The following KCNQ1OT1 variants were observed in gnomAD, a reference collection of about 807,000 sequenced individuals.
KCNQ1OT1 encodes KCNQ1 antisense RNA 2 (non-protein coding).
Position 2,663,100 on chromosome 11 carries a change from G to A in KCNQ1OT1, n.36895C>T, listed in dbSNP as rs1022389434. On this transcript the variant is annotated non_coding_transcript_exon_variant, in exon 1 of 1. Coordinates refer to ENST00000597346, the Ensembl canonical transcript of KCNQ1OT1. The surrounding 1 kb of genome is among the most constrained non-coding windows in gnomAD (Gnocchi z 5.2). Reference sequence around the variant, plus strand: ...CAGAATGAGGCCACCTCCAGGGAAGGAGTGGCTATCTTAAGGGGTAATTAT... The same window carrying A: ...CAGAATGAGGCCACCTCCAGGGAAGAAGTGGCTATCTTAAGGGGTAATTAT... The A allele has an allele frequency of 1.0e-5, 4 of 398,550 alleles. No individual in the cohort carries two copies. Among genetic ancestry groups the A allele is most frequent in the Non-Finnish European group, 1.8e-5 (4 of 226,124 alleles). 24.7% of individuals were successfully genotyped at this position (398,550 alleles called of 1,614,324 possible).
chr11:2,679,487 A>C lies in KCNQ1OT1; in HGVS notation n.20508T>G. On this transcript the variant is annotated non_coding_transcript_exon_variant, in exon 1 of 1. Transcript: ENST00000597346. This position sits in a 1 kb window ranked among gnomAD's most constrained non-coding sequence, Gnocchi z 4.8. ...AAGTATGCAGAAAAGTGCCTGTCCT[A>C]TAGTAGTGACACAGTGTTACTTAAA... The C allele has an allele frequency of 2.5e-6, 1 of 398,658 alleles. No homozygotes were observed. The highest frequency in any genetic ancestry group is 4.4e-6 in the Non-Finnish European group (1 of 226,072). 24.7% of individuals were successfully genotyped at this position (398,658 alleles called of 1,614,324 possible). A position where few individuals can be genotyped will look rare whatever the true frequency, so the allele number is the denominator to read the frequency against.
At chr11:2,648,082 G>T (rs1849694664) in exon 1 of KCNQ1OT1, 5 of 397,044 alleles carry the variant, frequency 1.3e-5, no homozygotes, top group Admixed American at 4.4e-5. Flanking sequence ...GCGAGGTGTG[G>T]TGCTGCACAT....
exon 1 of KCNQ1OT1, chr11:2,696,700 C>G (rs982479779): frequency 4.5e-5 from 18 of 398,482 alleles, no homozygotes; most frequent in African/African-American, 3.5e-4. Flanking sequence ...AATAAAATGT[C>G]TCTGCATATG....
At position 2,670,525 on chromosome 11, in the gene KCNQ1OT1, T is replaced by G. The variant is rs1014807635; in HGVS notation, n.29470A>C. On this transcript the variant is annotated non_coding_transcript_exon_variant, in exon 1 of 1. Coordinates refer to ENST00000597346, the Ensembl canonical transcript of KCNQ1OT1. The surrounding 1 kb of genome is among the most constrained non-coding windows in gnomAD (Gnocchi z 4.9). ...TCCTCCCAGCTCACAGAAGGGGAAA[T>G]TGAAGCCTCAAGAAGGATAGGGACT... 5.0e-6 allele frequency: 2 copies of G among 397,294 alleles called. No homozygotes were observed. The highest frequency in any genetic ancestry group is 8.9e-6 in the Non-Finnish European group (2 of 225,788). 24.6% of individuals were successfully genotyped at this position (397,294 alleles called of 1,614,324 possible). A position where few individuals can be genotyped will look rare whatever the true frequency, so the allele number is the denominator to read the frequency against.
rs1564855416 is a variant in KCNQ1OT1 at position 2,678,268 on chromosome 11, C to T, written n.21727G>A. The T allele has an allele frequency of 5.0e-6, 2 of 398,246 alleles. No homozygotes were observed. Among genetic ancestry groups the T allele is most frequent in the Non-Finnish European group, 8.9e-6 (2 of 225,986 alleles). 24.7% of individuals were successfully genotyped at this position (398,246 alleles called of 1,614,324 possible). A position where few individuals can be genotyped will look rare whatever the true frequency, so the allele number is the denominator to read the frequency against. On this transcript the variant is annotated non_coding_transcript_exon_variant, in exon 1 of 1. Transcript: ENST00000597346. The surrounding 1 kb of genome is among the most constrained non-coding windows in gnomAD (Gnocchi z 4.9). The stretch of plus-strand genomic sequence containing the variant: ...TTAAATTCTGAAATAACCTCTCATC[C>T]TGAAATTGTTTTAATAAATTCTTCC...
exon 1 of KCNQ1OT1, chr11:2,667,683 C>A: frequency 2.5e-6 from 1 of 398,746 alleles, no homozygotes; most frequent in East Asian, 3.6e-5. Flanking sequence ...GAGGCTGAAG[C>A]ACGGAGGTGA....
At chr11:2,667,119 T>C (rs903232610) in exon 1 of KCNQ1OT1, 14 of 398,646 alleles carry the variant, frequency 3.5e-5, no homozygotes, top group African/African-American at 2.7e-4. Context: ...GCGTAATGGC[T>C]CAGTGGGAAA....
At chr11:2,610,878 C>T (rs1191265199) in exon 1 of KCNQ1OT1, 5 of 398,206 alleles carry the variant, frequency 1.3e-5, no homozygotes, top group East Asian at 3.6e-5. Flanking sequence ...CATAGCCTCA[C>T]CTCCCACCAT....
At chr11:2,615,556 A>G (rs549080450) in exon 1 of KCNQ1OT1, 1 of 398,008 alleles carries the variant, frequency 2.5e-6, no homozygotes, top group East Asian at 3.6e-5. Flanking sequence ...ATCCTCTTTA[A>G]CACATTTTGA....
chr11:2,692,213 C>T (rs1337499720), exon 1 of KCNQ1OT1: 1 of 398,778 alleles, frequency 2.5e-6, no homozygotes, highest in Non-Finnish European at 4.4e-6. Flanking sequence ...GATACACCCG[C>T]TTCCTCACCA....
At chr11:2,619,990 T>C (rs1297806217) in exon 1 of KCNQ1OT1, 3 of 398,134 alleles carry the variant, frequency 7.5e-6, no homozygotes, top group African/African-American at 2.1e-5. Flanking sequence ...TAGTACCCAA[T>C]AGGTAGGTTT....
chr11:2,622,688 TTGTC>T, exon 1 of KCNQ1OT1: 1 of 398,660 alleles, frequency 2.5e-6, no homozygotes, highest in East Asian at 3.6e-5. Flanking sequence ...CTCTATTCGA[TTGTC>T]TGTATGTGTG....
In KCNQ1OT1 at chr11:2,611,322, C is replaced by T. The variant is rs191118119; in HGVS notation, n.88673G>A. 30 of 397,364 alleles carry T rather than the reference C, an allele frequency of 7.5e-5. No homozygotes were observed. In the East Asian group the frequency reaches 9.3e-4, roughly 12 times the overall value. 24.6% of individuals were successfully genotyped at this position (397,364 alleles called of 1,614,324 possible). On this transcript the variant is annotated non_coding_transcript_exon_variant, in exon 1 of 1. Transcript: ENST00000597346. The surrounding 1 kb of genome is among the most constrained non-coding windows in gnomAD (Gnocchi z 5.3). ...GCAACCTCTGCCTCCCGGATTCAAG[C>T]CGTTCTCTTGCCTCAGCATCCCAAG...
Position 2,676,085 on chromosome 11 carries a change from G to A in KCNQ1OT1, n.23910C>T, listed in dbSNP as rs1850288507. 2.5e-6 allele frequency: 1 copy of A among 398,544 alleles called. No individual in the cohort carries two copies. The highest frequency in any genetic ancestry group is 4.4e-6 in the Non-Finnish European group (1 of 226,056). 24.7% of individuals were successfully genotyped at this position (398,544 alleles called of 1,614,324 possible). On this transcript the variant is annotated non_coding_transcript_exon_variant, in exon 1 of 1. Coordinates refer to ENST00000597346, the Ensembl canonical transcript of KCNQ1OT1. This position sits in a 1 kb window ranked among gnomAD's most constrained non-coding sequence, Gnocchi z 4.2. The stretch of plus-strand genomic sequence containing the variant: ...GTATTTTATATAAACAAATATACGT[G>A]TGTCTGTGTGTGCATGTACTTAGTA...
rs374707474 is a variant in KCNQ1OT1 at position 2,666,472 on chromosome 11, C to T, written n.33523G>A. On this transcript the variant is annotated non_coding_transcript_exon_variant, in exon 1 of 1. Transcript: ENST00000597346. ...TTCTCCTGGACCCTGCAGAATCTCA[C>T]GCCAAGACATTCGAGTTGCTCTTTT... 3.3e-4 allele frequency: 131 copies of T among 398,686 alleles called. No homozygotes were observed. The highest frequency in any genetic ancestry group is 1.0e-3 in the African/African-American group (51 of 48,768). 24.7% of individuals were successfully genotyped at this position (398,686 alleles called of 1,614,324 possible).
rs1292454071 is a variant in KCNQ1OT1 at position 2,676,162 on chromosome 11, ACTTTGC to A, written n.23827_23832del. ...TAGCATACTGTATGTATTTTTCTAC[ACTTTGC>A]CTTTGACTTCTTCCATAGGTATGCC... On this transcript the variant is annotated non_coding_transcript_exon_variant, in exon 1 of 1. Transcript: ENST00000597346. This position sits in a 1 kb window ranked among gnomAD's most constrained non-coding sequence, Gnocchi z 4.2. The A allele has an allele frequency of 9.5e-5, 38 of 398,622 alleles. No individual in the cohort carries two copies. Among genetic ancestry groups the A allele is most frequent in the African/African-American group, 6.8e-4 (33 of 48,756 alleles). 24.7% of individuals were successfully genotyped at this position (398,622 alleles called of 1,614,324 possible).
rs866469017 is a variant in KCNQ1OT1 at position 2,662,015 on chromosome 11, A to G, written n.37980T>C. The stretch of plus-strand genomic sequence containing the variant: ...AGCATGCCCCATTTCATGAGAACCA[A>G]CAGCTTCGCCGAGGACCTGGACCTG... On this transcript the variant is annotated non_coding_transcript_exon_variant, in exon 1 of 1. Coordinates refer to ENST00000597346, the Ensembl canonical transcript of KCNQ1OT1. 1.3e-5 allele frequency: 21 copies of G among 1,614,204 alleles called. No homozygotes were observed. In the Middle Eastern group the frequency reaches 2.1e-3, roughly 165 times the overall value.
Position 2,678,629 on chromosome 11 carries a change from A to G in KCNQ1OT1, n.21366T>C, listed in dbSNP as rs1163482596. 1 of 397,244 alleles carries G rather than the reference A, an allele frequency of 2.5e-6. No individual in the cohort carries two copies. The highest frequency in any genetic ancestry group is 4.4e-6 in the Non-Finnish European group (1 of 225,922). 24.6% of individuals were successfully genotyped at this position (397,244 alleles called of 1,614,324 possible). ...CCCTCATCTCCATTACTTAAGAGCC[A>G]ATAATGGGAAGCTCATTTTCACAAA... On this transcript the variant is annotated non_coding_transcript_exon_variant, in exon 1 of 1. Transcript: ENST00000597346. This position sits in a 1 kb window ranked among gnomAD's most constrained non-coding sequence, Gnocchi z 4.9.
exon 1 of KCNQ1OT1, chr11:2,646,468 C>T (rs866656763): frequency 1.0e-5 from 4 of 398,394 alleles, no homozygotes; most frequent in African/African-American, 2.1e-5. Context: ...AATGGGATTG[C>T]TTTCTTCATT....
Sources: gnomAD v4.1 joint callset for allele counts on GRCh38, gnomAD v4.1.1 for gene constraint, Gnocchi (gnomAD v3.1) non-coding constraint, MANE v1.5 for transcripts, NCBI Gene and HGNC (gene_info 2026-07-23, HGNC 2026-07-21) for gene names.